CFAP61: variants seen among roughly 807,000 people sequenced by gnomAD.
The protein encoded by CFAP61 is cilia and flagella associated protein 61.
CFAP61 carries 107 observed loss-of-function variants against 135.6 expected under a neutral mutation model. The ratio of observed to expected loss-of-function variants is 0.79; its 90% CI spans 0.67 to 0.93. The LOEUF is 0.93. CFAP61 is among the 40% of genes least tolerant of loss of function. CFAP61 has a pLI of 0.00. For missense variants in CFAP61, 1,507 were observed against 1,556.2 expected, an observed-to-expected ratio of 0.97 and a Z score of 0.53; for synonymous variants, 575 against 578.5, an observed-to-expected ratio of 0.99 and a Z score of 0.09.
intron 11 of CFAP61, among the ~76,000 whole-genome samples, chr20:20,164,723 C>T (rs75669627): frequency 0.018 from 2,704 of 152,228 alleles, 43 homozygotes; most frequent in Non-Finnish European, 0.024. Context: ...AAGTTTCTCT[C>T]TCTACCTCTT....
At chr20:20,089,566 T>C (rs968881533) in intron 6 of CFAP61, among the ~76,000 whole-genome samples, 20 of 146,234 alleles carry the variant, frequency 1.4e-4, no homozygotes, top group African/African-American at 4.8e-4. Context: ...GCTGAAACAT[T>C]TTTACAGAAA....
intron 6 of CFAP61, among the ~76,000 whole-genome samples, chr20:20,089,799 G>C (rs1487389366): frequency 6.6e-6 from 1 of 152,174 alleles, no homozygotes; most frequent in Non-Finnish European, 1.5e-5. Context: ...GGTCTCTGTA[G>C]AGGGTCCTGA....
At chr20:20,152,856 C>G (rs1206988758) in intron 9 of CFAP61, among the ~76,000 whole-genome samples, 1 of 152,110 alleles carries the variant, frequency 6.6e-6, no homozygotes, top group Non-Finnish European at 1.5e-5. Context: ...AAACTATACC[C>G]TAGAACTAAT....
intron 26 of CFAP61, among the ~76,000 whole-genome samples, chr20:20,352,248 C>T (rs762129866): frequency 1.5e-4 from 23 of 152,246 alleles, no homozygotes; most frequent in Non-Finnish European, 3.2e-4. Flanking sequence ...CTCATGAGAA[C>T]TCACTCACTA....
chr20:20,203,798 G>T (rs1191365324), intron 17 of CFAP61, among the ~76,000 whole-genome samples: 1 of 152,114 alleles, frequency 6.6e-6, no homozygotes, highest in Non-Finnish European at 1.5e-5. Flanking sequence ...CACCATCCAT[G>T]CCTGCATGGA....
At chr20:20,104,598 G>A (rs1569711) in intron 8 of CFAP61, among the ~76,000 whole-genome samples, 72,085 of 151,968 alleles carry the variant, frequency 0.47, 17,290 homozygotes, top group South Asian at 0.55. Context: ...TTCTGCTGCC[G>A]TCTTTACATT....
chr20:20,078,421 G>A, intron 6 of CFAP61, among the ~76,000 whole-genome samples: 1 of 152,200 alleles, frequency 6.6e-6, no homozygotes, highest in East Asian at 1.9e-4. Context: ...GGAGTTGAGG[G>A]ATGAGGAGTT....
intron 13 of CFAP61, among the ~76,000 whole-genome samples, chr20:20,181,283 A>ACACACACG (rs2055076393): frequency 6.6e-6 from 1 of 150,712 alleles, no homozygotes; most frequent in African/African-American, 2.4e-5. Flanking sequence ...GTATACACAC[A>ACACACACG]CACACACACA....
chr20:20,176,558 G>T (rs551088001), intron 13 of CFAP61, among the ~76,000 whole-genome samples: 42 of 152,292 alleles, frequency 2.8e-4, no homozygotes, highest in South Asian at 2.7e-3. Context: ...CCTTTGCAGG[G>T]ACATGGATGG....
chr20:20,305,687 G>A lies in CFAP61; in HGVS notation c.3422+7301G>A, dbSNP rs116475021. On this transcript the variant is annotated intron_variant, in intron 25 of 26. Coordinates refer to ENST00000245957, the MANE Select transcript of CFAP61 (RefSeq NM_015585.4). ...ACTTCAGATCGTGCCAGTCCTGTGC[G>A]ACCAGCCTCGCAAAGAATCCTTTCC... 2.1e-3 allele frequency among the ~76,000 whole-genome samples: 313 copies of A among 152,298 alleles called. 1 individual carries two copies. The highest frequency in any genetic ancestry group is 7.1e-3 in the African/African-American group (297 of 41,558).
At chr20:20,096,091 G>A (rs530952820) in intron 7 of CFAP61, among the ~76,000 whole-genome samples, 12 of 152,220 alleles carry the variant, frequency 7.9e-5, no homozygotes, top group South Asian at 4.1e-4. Context: ...CTGTCACCAG[G>A]AAGATAGATA....
chr20:20,298,391 G>A lies in CFAP61; in HGVS notation c.3422+5G>A. The A allele has an allele frequency of 6.2e-7, 1 of 1,609,988 alleles. No individual in the cohort carries two copies. The highest frequency in any genetic ancestry group is 8.5e-7 in the Non-Finnish European group (1 of 1,176,374). On this transcript the variant is annotated splice_donor_5th_base_variant and intron_variant, in intron 25 of 26. Transcript: ENST00000245957. The stretch of plus-strand genomic sequence containing the variant: ...CCTGATCACAGATCTCTATAGGTGA[G>A]TTGGACATTGCATTTGACTACAGGG...
intron 25 of CFAP61, among the ~76,000 whole-genome samples, chr20:20,332,478 C>T (rs2058037471): frequency 1.3e-5 from 2 of 152,152 alleles, no homozygotes; most frequent in South Asian, 2.1e-4. Flanking sequence ...ATTTACTTGG[C>T]TCACCCAGTG....
chr20:20,290,637 G>A (rs961365746), intron 24 of CFAP61, among the ~76,000 whole-genome samples: 5 of 152,238 alleles, frequency 3.3e-5, no homozygotes, highest in Non-Finnish European at 7.3e-5. Flanking sequence ...GGAAATGACT[G>A]TGTGACTTCC....
chr20:20,159,701 A>G (rs1731495127), intron 10 of CFAP61, among the ~76,000 whole-genome samples: 1 of 152,214 alleles, frequency 6.6e-6, no homozygotes, highest in African/African-American at 2.4e-5. Context: ...AATTATTTGC[A>G]AAAATTTTAG....
chr20:20,199,584 G>T (rs987576571), intron 16 of CFAP61, among the ~76,000 whole-genome samples, 184 bp from the exon 17 acceptor site: 2 of 152,012 alleles, frequency 1.3e-5, no homozygotes, highest in Non-Finnish European at 2.9e-5. Flanking sequence ...ATCTTCATTA[G>T]TGTCAGGCAT....
At chr20:20,273,122 C>T (rs1473660852) in intron 21 of CFAP61, among the ~76,000 whole-genome samples, 2 of 146,764 alleles carry the variant, frequency 1.4e-5, no homozygotes, top group African/African-American at 5.1e-5. Context: ...CTCAAGCAGT[C>T]CTCCTGTCTT....
chr20:20,060,810 C>T (rs932713043), intron 2 of CFAP61, among the ~76,000 whole-genome samples: 4 of 152,232 alleles, frequency 2.6e-5, no homozygotes, highest in African/African-American at 9.6e-5. Flanking sequence ...GAACCCAGTG[C>T]CACACTGATG....
intron 26 of CFAP61, among the ~76,000 whole-genome samples, chr20:20,342,703 C>T (rs562633245): frequency 3.0e-4 from 45 of 152,270 alleles, no homozygotes; most frequent in African/African-American, 8.9e-4. Flanking sequence ...CCTTATTGGA[C>T]GGCACTGCTA....
Sources: allele counts gnomAD v4.1 joint callset (sites outside exome capture counted in the v4.1 genomes callset), GRCh38; gene constraint gnomAD v4.1.1; transcripts MANE v1.5; gene names NCBI Gene and HGNC (gene_info 2026-07-23, HGNC 2026-07-21).